The following TNPO3 variants were observed in gnomAD, a reference collection of about 807,000 sequenced individuals.
TNPO3 encodes the protein transportin-3.
Under a neutral mutation model 122.8 loss-of-function variants are expected in TNPO3, and 65 were observed. That is an observed-to-expected ratio of 0.53 (90% CI 0.43 to 0.65). The LOEUF (loss-of-function observed/expected upper bound fraction) is 0.65, where lower values mean the gene tolerates loss of function less well. Ranked by LOEUF, TNPO3 falls within the 30% of genes least tolerant of loss-of-function variation. The pLI is 0.00. For missense variants in TNPO3, 850 were observed against 1,136.7 expected (o/e 0.75, Z 3.63); for synonymous variants, 372 against 411.2 (o/e 0.90, Z 1.15).
intron 3 of TNPO3, among the ~76,000 whole-genome samples, chr7:129,015,725 C>T (rs1340908259): frequency 3.3e-5 from 5 of 152,098 alleles, no homozygotes; most frequent in East Asian, 3.9e-4. Context: ...CCCAGCTACT[C>T]GGGAGACTGA....
intron 21 of TNPO3, among the ~76,000 whole-genome samples, chr7:128,964,372 G>A (rs1193877598): frequency 2.4e-5 from 3 of 122,456 alleles, no homozygotes. Flanking sequence ...GCCTCGCTCT[G>A]TCGCCCAGGC....
chr7:129,031,791 C>T (rs898275768), intron 1 of TNPO3, among the ~76,000 whole-genome samples: 1 of 152,104 alleles, frequency 6.6e-6, no homozygotes, highest in Non-Finnish European at 1.5e-5. Context: ...CAAAAACCCT[C>T]GATAAAATAC....
rs974884051 is a variant in TNPO3 at position 129,031,505 on chromosome 7, G to A, written c.121-13348C>T. On this transcript the variant is annotated intron_variant, in intron 1 of 22. Coordinates refer to ENST00000265388, the MANE Select transcript of TNPO3 (RefSeq NM_012470.4). ...AACAAGACTAAATCATGAAGAAACA[G>A]AAAATCTGAACAGACCTATAACTTG... Among the ~76,000 whole-genome samples the A allele has an allele frequency of 5.9e-5, 9 of 152,194 alleles. 1 individual carries two copies. Among genetic ancestry groups the A allele is most frequent in the South Asian group, 2.1e-4 (1 of 4,822 alleles).
chr7:129,050,316 G>A (rs981162631), intron 1 of TNPO3, among the ~76,000 whole-genome samples: 5 of 149,592 alleles, frequency 3.3e-5, no homozygotes, highest in Admixed American at 6.7e-5. Flanking sequence ...CCCGGGAGGC[G>A]GAGCTTGCAG....
rs1801462016 is a variant in TNPO3 at position 128,997,542 on chromosome 7, GGTTAA to G, written c.1012-12_1012-8del. On this transcript the variant is annotated splice_region_variant and splice_polypyrimidine_tract_variant and intron_variant, in intron 7 of 22. Coordinates refer to ENST00000265388, the MANE Select transcript of TNPO3 (RefSeq NM_012470.4). ...TAAATGAAATTTCTACTACCTGTTA[GGTTAA>G]AAGAGATGATTTATTTGAATGGGAA... 1 of 1,609,738 alleles carries G rather than the reference GGTTAA, an allele frequency of 6.2e-7. No individual in the cohort carries two copies. The highest frequency in any genetic ancestry group is 1.3e-5 in the African/African-American group (1 of 74,740).
Position 129,000,506 on chromosome 7 carries a change from A to G in TNPO3, c.934T>C (p.Cys312Arg). 1 of 1,614,168 alleles carries G rather than the reference A, an allele frequency of 6.2e-7. No individual in the cohort carries two copies. Among genetic ancestry groups the G allele is most frequent in the East Asian group, 2.2e-5 (1 of 44,888 alleles). The change falls in exon 7 of 23, where the codon TGT (cysteine) becomes CGT (arginine). Residue 312 changes from cysteine to arginine, a missense_variant. Coordinates refer to ENST00000265388, the MANE Select transcript of TNPO3 (RefSeq NM_012470.4). ...TCCCCAAGACCTTGGCCTGGAGTAC[A>G]AACAATTTTTTCAAGAAAAGTTTCA... ...LCETFLEKIV[C>R]TPGQGLGDLR...
At chr7:128,965,628 AAG>A (rs1283925813) in intron 21 of TNPO3, among the ~76,000 whole-genome samples, 2 of 152,250 alleles carry the variant, frequency 1.3e-5, no homozygotes, top group Non-Finnish European at 2.9e-5. Context: ...CAGGGGCTGA[AAG>A]AGATATTTGT....
chr7:128,979,940 CT>C, intron 15 of TNPO3, 30 bp downstream of exon 15: 1 of 1,607,844 alleles, frequency 6.2e-7, no homozygotes, highest in African/African-American at 1.3e-5. Flanking sequence ...AGAAGCAAGC[CT>C]TGATTCCACA....
At chr7:128,979,824 C>T in intron 15 of TNPO3, 147 bp downstream of exon 15, 1 of 724,024 alleles carries the variant, frequency 1.4e-6, no homozygotes. Flanking sequence ...ATTTGGATGG[C>T]TCTGTCCCTC....
intron 1 of TNPO3, among the ~76,000 whole-genome samples, chr7:129,037,496 T>C (rs1021146119): frequency 6.6e-6 from 1 of 152,006 alleles, no homozygotes; most frequent in Non-Finnish European, 1.5e-5. Context: ...AGGATGAGCA[T>C]ATAGAACCCC....
intron 1 of TNPO3, among the ~76,000 whole-genome samples, chr7:129,033,733 C>T (rs938716301): frequency 4.0e-5 from 6 of 151,760 alleles, no homozygotes; most frequent in African/African-American, 1.5e-4. Flanking sequence ...GCCAACATGG[C>T]AAAACCCCAT....
At chr7:128,998,680 A>G (rs1030873097) in intron 7 of TNPO3, among the ~76,000 whole-genome samples, 4 of 150,778 alleles carry the variant, frequency 2.7e-5, no homozygotes, top group East Asian at 2.0e-4. Context: ...GCACCACCAC[A>G]CCCAGCTAAT....
At chr7:129,045,940 C>T (rs1807981081) in intron 1 of TNPO3, among the ~76,000 whole-genome samples, 1 of 152,134 alleles carries the variant, frequency 6.6e-6, no homozygotes, top group Non-Finnish European at 1.5e-5. Flanking sequence ...TGGCTCATGC[C>T]TGTAATCCCA....
rs1798897563 is a variant in TNPO3 at position 128,974,851 on chromosome 7, T to C, written c.2273+17A>G. On this transcript the variant is annotated intron_variant, in intron 18 of 22. Transcript: ENST00000265388. ...TAGGATGAGCAATTAAGAAATGGGCTCTTCAGAAGGATTTACCTGGTGGCT... is the reference window on the plus strand; with the variant it reads ...TAGGATGAGCAATTAAGAAATGGGCCCTTCAGAAGGATTTACCTGGTGGCT... 2.5e-6 allele frequency: 4 copies of C among 1,602,696 alleles called. No individual in the cohort carries two copies. Among genetic ancestry groups the C allele is most frequent in the Non-Finnish European group, 3.4e-6 (4 of 1,169,642 alleles).
At chr7:129,000,624 A>G (rs1585344911) in intron 6 of TNPO3, 57 bp from the exon 7 acceptor site, 2 of 1,501,616 alleles carry the variant, frequency 1.3e-6, no homozygotes, top group Non-Finnish European at 1.8e-6. Context: ...TTATAAGTAT[A>G]TACAGGCACA....
intron 1 of TNPO3, among the ~76,000 whole-genome samples, chr7:129,046,195 CAAAA>C (rs5887409): frequency 5.0e-5 from 4 of 79,300 alleles, no homozygotes; most frequent in Admixed American, 1.7e-4. Context: ...GACTCCGTCT[CAAAA>C]AAAAAAAAAA....
intron 1 of TNPO3, among the ~76,000 whole-genome samples, chr7:129,037,279 A>T (rs1477860623): frequency 6.6e-6 from 1 of 152,200 alleles, no homozygotes; most frequent in Non-Finnish European, 1.5e-5. Flanking sequence ...AAACTACAAA[A>T]TAACCTTGCT....
chr7:128,987,647 C>T (rs1220040903), intron 11 of TNPO3, among the ~76,000 whole-genome samples: 1 of 152,194 alleles, frequency 6.6e-6, no homozygotes, highest in Non-Finnish European at 1.5e-5. Context: ...GTGGCACGAT[C>T]TCAGCTCACT....
At chr7:128,955,480 T>C (rs751856857) in intron 22 of TNPO3, 95 bp from the exon 23 acceptor site, 3 of 358,012 alleles carry the variant, frequency 8.4e-6, no homozygotes, top group Non-Finnish European at 1.6e-5. Flanking sequence ...TTTCCTCAGG[T>C]ACCTCATTCT....
Sources: gnomAD v4.1 joint callset for allele counts (sites outside exome capture counted in the v4.1 genomes callset) on GRCh38, gnomAD v4.1.1 for gene constraint, MANE v1.5 for transcripts, NCBI Gene and HGNC (gene_info 2026-07-23, HGNC 2026-07-21) for gene names.